The following SHANK2 variants were observed in gnomAD, a reference collection of about 807,000 sequenced individuals.
SHANK2 encodes SH3 and multiple ankyrin repeat domains protein 2.
Under a neutral mutation model 133.7 loss-of-function variants are expected in SHANK2, and 43 were observed. The observed-to-expected ratio is 0.32, with a 90% CI of 0.25 to 0.41. SHANK2 has a LOEUF of 0.41. SHANK2 is among the 10% of genes least tolerant of loss of function. The probability of loss-of-function intolerance (pLI) is 1.00; values close to 1 mark genes in which losing one functional copy is unlikely to be tolerated. For synonymous variants in SHANK2, 1,017 were observed against 952.8 expected (o/e 1.07, Z -1.24); for missense variants, 1,994 against 2,235.8 (o/e 0.89, Z 2.18).
At chr11:71,106,503 G>A (rs1555097925) in intron 6 of SHANK2, among the ~76,000 whole-genome samples, 2 of 152,148 alleles carry the variant, frequency 1.3e-5, no homozygotes, top group Non-Finnish European at 2.9e-5. Context: ...CATTCATAAG[G>A]TAACTCTGTG....
chr11:71,155,156 G>C (rs56997079), intron 2 of SHANK2, among the ~76,000 whole-genome samples: 1,273 of 88,060 alleles, frequency 0.014, 356 homozygotes, highest in African/African-American at 0.061. Context: ...CGGAGGAGGA[G>C]TGGACCTACC....
At chr11:70,870,784 T>C (rs554610166) in intron 11 of SHANK2, among the ~76,000 whole-genome samples, 1 of 152,290 alleles carries the variant, frequency 6.6e-6, no homozygotes, top group South Asian at 2.1e-4. Flanking sequence ...CATTCATTCA[T>C]TTATTTATTT....
chr11:70,845,528 G>C (rs573872694), intron 11 of SHANK2, among the ~76,000 whole-genome samples: 1 of 152,228 alleles, frequency 6.6e-6, no homozygotes, highest in South Asian at 2.1e-4. Flanking sequence ...GGCCATCTTA[G>C]GTGCCGAGGA....
Position 71,163,093 on chromosome 11 carries a change from A to AAAACATATATATAT in SHANK2, c.-12-15756_-12-15755insATATATATATGTTT. 3.8e-4 allele frequency among the ~76,000 whole-genome samples: 32 copies of AAAACATATATATAT among 84,664 alleles called. 1 individual carries two copies. Among genetic ancestry groups the AAAACATATATATAT allele is most frequent in the Non-Finnish European group, 5.8e-4 (23 of 39,560 alleles). 55.5% of individuals were successfully genotyped at this position (84,664 alleles called of 152,430 possible). ...GTCTAAAAAAAAAAAAAAAAAAAAA[A>AAAACATATATATAT]ATACATATATATATATATACAGAAT... On this transcript the variant is annotated intron_variant, in intron 2 of 25. Coordinates refer to ENST00000601538, the MANE Select transcript of SHANK2 (RefSeq NM_012309.5).
At chr11:71,210,242 ATATATATATATT>A (rs1389005643) in intron 2 of SHANK2, among the ~76,000 whole-genome samples, 10 of 87,650 alleles carry the variant, frequency 1.1e-4, no homozygotes, top group South Asian at 4.4e-4. Flanking sequence ...ATATATATAT[ATATATATATATT>A]TATTTATTTT....
At chr11:70,670,384 G>A (rs1164392602) in intron 15 of SHANK2, among the ~76,000 whole-genome samples, 3 of 152,232 alleles carry the variant, frequency 2.0e-5, no homozygotes, top group African/African-American at 7.2e-5. Flanking sequence ...GCAGTTACGT[G>A]GGGGGTGTTG....
intron 9 of SHANK2, among the ~76,000 whole-genome samples, chr11:71,060,056 C>T (rs1030937510): frequency 7.9e-5 from 12 of 152,150 alleles, no homozygotes; most frequent in Non-Finnish European, 1.2e-4. Flanking sequence ...CCCTGCACCC[C>T]GATTCCAATT....
At chr11:71,068,219 T>G (rs1048761081) in intron 9 of SHANK2, among the ~76,000 whole-genome samples, 2 of 152,146 alleles carry the variant, frequency 1.3e-5, no homozygotes, top group African/African-American at 4.8e-5. Context: ...AAGGGGGTGA[T>G]GTACACAAGT....
intron 9 of SHANK2, among the ~76,000 whole-genome samples, chr11:71,067,124 G>A (rs1447041189): frequency 2.6e-5 from 4 of 152,160 alleles, no homozygotes; most frequent in Non-Finnish European, 5.9e-5. Flanking sequence ...GGACACCGTC[G>A]CCATTCAGCG....
chr11:70,873,185 T>C (rs542520161), intron 11 of SHANK2: 5 of 462,714 alleles, frequency 1.1e-5, no homozygotes, highest in South Asian at 7.8e-5. Context: ...ATCCCAGCAC[T>C]CAGAGGCTAT....
At chr11:70,879,926 G>A (rs1555072108) in intron 11 of SHANK2, among the ~76,000 whole-genome samples, 1 of 152,230 alleles carries the variant, frequency 6.6e-6, no homozygotes, top group African/African-American at 2.4e-5. Context: ...CAGGAATGGT[G>A]ACAGAGCTTC....
chr11:71,154,027 T>TTAAGA (rs10644960), intron 2 of SHANK2, among the ~76,000 whole-genome samples: 97,575 of 151,630 alleles, frequency 0.64, 32,907 homozygotes, highest in African/African-American at 0.85. Flanking sequence ...GAACTCTGAT[T>TTAAGA]TACTTTTTCA....
At chr11:71,073,599 C>G (rs1951178633) in intron 9 of SHANK2, among the ~76,000 whole-genome samples, 1 of 152,104 alleles carries the variant, frequency 6.6e-6, no homozygotes, top group Admixed American at 6.5e-5. Flanking sequence ...TCCTGAGTAG[C>G]TGGGACCACA....
intron 6 of SHANK2, among the ~76,000 whole-genome samples, chr11:71,107,260 C>T (rs1233825152): frequency 6.6e-6 from 1 of 152,160 alleles, no homozygotes; most frequent in Non-Finnish European, 1.5e-5. Flanking sequence ...AGGCATTCTT[C>T]CCTGCACGCA....
intron 2 of SHANK2, among the ~76,000 whole-genome samples, chr11:71,191,947 G>A (rs988044544): frequency 2.6e-5 from 4 of 151,940 alleles, no homozygotes; most frequent in African/African-American, 9.7e-5. Context: ...TGTAACCTCC[G>A]CCTCCTGTGT....
Position 70,502,734 on chromosome 11 carries a change from C to T in SHANK2, c.2197+62G>A, listed in dbSNP as rs1380226591. 1.2e-5 allele frequency: 8 copies of T among 679,484 alleles called. 1 individual carries two copies. The highest frequency in any genetic ancestry group is 5.4e-5 in the African/African-American group (2 of 36,710). 42.1% of individuals were successfully genotyped at this position (679,484 alleles called of 1,614,324 possible). ...CCCACTGCCCCCCAGCTGTCCTGCCCGCCCCCACCCCCCCCCCCCAGTAGG... is the reference window on the plus strand; with the variant it reads ...CCCACTGCCCCCCAGCTGTCCTGCCTGCCCCCACCCCCCCCCCCCAGTAGG... On this transcript the variant is annotated intron_variant, in intron 18 of 25. Transcript: ENST00000601538.
At chr11:71,082,947 C>CCCCCCCA (rs1951321055) in intron 8 of SHANK2, among the ~76,000 whole-genome samples, 3 of 147,064 alleles carry the variant, frequency 2.0e-5, no homozygotes, top group African/African-American at 5.1e-5. Context: ...ACGCCCGCCC[C>CCCCCCCA]CCCCCCAACC....
At chr11:70,867,832 C>A (rs902990783) in intron 11 of SHANK2, among the ~76,000 whole-genome samples, 1 of 152,234 alleles carries the variant, frequency 6.6e-6, no homozygotes, top group South Asian at 2.1e-4. Flanking sequence ...CCAGGTCCAC[C>A]GCCTCCACTG....
At position 70,830,396 on chromosome 11, in the gene SHANK2, C is replaced by A. The variant is rs952150925; in HGVS notation, c.1175-9714G>T. On this transcript the variant is annotated intron_variant, in intron 11 of 25. Transcript: ENST00000601538. This position sits in a 1 kb window ranked among gnomAD's most constrained non-coding sequence, Gnocchi z 4.4. ...CCACACTTGGGGTTATTGCAGGAGA[C>A]GAGCTCACCCCTGAGCCCCAGGTAG... Among the ~76,000 whole-genome samples the A allele has an allele frequency of 1.9e-4, 29 of 152,286 alleles. No homozygotes were observed. The highest frequency in any genetic ancestry group is 6.5e-4 in the Admixed American group (10 of 15,298).
Sources: allele counts gnomAD v4.1 joint callset (sites outside exome capture counted in the v4.1 genomes callset), GRCh38; gene constraint gnomAD v4.1.1; non-coding constraint Gnocchi (gnomAD v3.1); transcripts MANE v1.5; gene names NCBI Gene and HGNC (gene_info 2026-07-23, HGNC 2026-07-21).